The following ACSM2B variants were observed in gnomAD, a reference collection of about 807,000 sequenced individuals.
ACSM2B encodes acyl-coenzyme A synthetase ACSM2B, mitochondrial.
In ACSM2B, 58 loss-of-function variants were observed where a neutral mutation model predicts 78.6. The ratio of observed to expected loss-of-function variants is 0.74; its 90% CI spans 0.60 to 0.92. ACSM2B has a LOEUF of 0.92. Among genes scored for constraint, ACSM2B ranks in the 40% least tolerant of loss-of-function variants. ACSM2B has a pLI of 0.00. For synonymous variants in ACSM2B, 257 were observed against 256.8 expected, an observed-to-expected ratio of 1.00 and a Z score of -0.01; for missense variants, 688 against 711.2, an observed-to-expected ratio of 0.97 and a Z score of 0.37.
chr16:20,567,605 AT>A (rs1392472156), intron 1 of ACSM2B, among the ~76,000 whole-genome samples: 1 of 135,802 alleles, frequency 7.4e-6, no homozygotes, highest in African/African-American at 2.7e-5. Context: ...AAGATATATA[AT>A]ATATAATATA....
intron 1 of ACSM2B, among the ~76,000 whole-genome samples, chr16:20,568,271 T>C (rs1289257424): frequency 6.9e-6 from 1 of 144,806 alleles, no homozygotes; most frequent in African/African-American, 2.5e-5. Context: ...ATAGAACATA[T>C]AGTATATATA....
intron 2 of ACSM2B, among the ~76,000 whole-genome samples, chr16:20,564,107 GC>G (rs1444862626): frequency 4.6e-5 from 7 of 151,952 alleles, no homozygotes; most frequent in African/African-American, 1.7e-4. Context: ...GTGCTGATTT[GC>G]CCCCCACTTT....
chr16:20,575,469 G>A (rs1299371405), intron 1 of ACSM2B: 2 of 151,932 alleles, frequency 1.3e-5, no homozygotes, highest in Non-Finnish European at 1.5e-5. Context: ...GAGGTGCAAG[G>A]AGAGCCAGTT....
Position 20,545,183 on chromosome 16 carries a change from G to T in ACSM2B, c.1255C>A (p.Pro419Thr). The T allele has an allele frequency of 3.7e-6, 6 of 1,613,792 alleles. No homozygotes were observed. Among genetic ancestry groups the T allele is most frequent in the South Asian group, 3.3e-5 (3 of 90,994 alleles). Residue 419 changes from proline to threonine, a missense_variant, in exon 10 of 14, where the codon CCT (proline) becomes ACT (threonine). Coordinates refer to ENST00000329697, the MANE Select transcript of ACSM2B (RefSeq NM_001105069.2). ...ACATAGCCAGAGAAGATGCCTATAG[G>T]CCTGATGGGTTTGACCCTGATGCCA... is the stretch of plus-strand genomic sequence containing the variant. ...DIGIRVKPIR[P>T]IGIFSGYVEN...
intron 1 of ACSM2B, among the ~76,000 whole-genome samples, chr16:20,571,390 T>C (rs1164062687): frequency 1.3e-5 from 2 of 152,000 alleles, no homozygotes; most frequent in Non-Finnish European, 2.9e-5. Context: ...GAAGATTCCT[T>C]TTGGAGTTGA....
At chr16:20,554,022 T>C (rs549990504) in intron 4 of ACSM2B, 102 bp from the exon 5 acceptor site, 28 of 1,351,532 alleles carry the variant, frequency 2.1e-5, no homozygotes, top group South Asian at 9.9e-5. Context: ...AAAGGGCAAG[T>C]TGATGGACCC....
At chr16:20,548,596 T>A (rs1424657430) in intron 6 of ACSM2B, 123 bp from the exon 7 acceptor site, 1 of 1,566,014 alleles carries the variant, frequency 6.4e-7, no homozygotes, top group African/African-American at 1.4e-5. Context: ...CCTAGCTTGT[T>A]TACTATGTCT....
intron 10 of ACSM2B, among the ~76,000 whole-genome samples, chr16:20,543,978 A>T (rs1030143272): frequency 1.3e-5 from 2 of 152,338 alleles, no homozygotes; most frequent in African/African-American, 4.8e-5. Context: ...TACAGAAGGT[A>T]GAACTGAGAC....
intron 2 of ACSM2B, among the ~76,000 whole-genome samples, chr16:20,560,440 T>C (rs1206091227): frequency 7.2e-5 from 11 of 152,042 alleles, no homozygotes; most frequent in Non-Finnish European, 1.2e-4. Flanking sequence ...CACTCTCTGT[T>C]TTGCTCCTCA....
At chr16:20,542,643 A>C in intron 12 of ACSM2B, 1 of 446,964 alleles carries the variant, frequency 2.2e-6, no homozygotes, top group Admixed American at 3.8e-5. Context: ...ATCATATGGT[A>C]GTTCTGTTTA....
intron 13 of ACSM2B, among the ~76,000 whole-genome samples, chr16:20,540,302 G>T (rs1385033730): frequency 2.0e-5 from 3 of 151,048 alleles, no homozygotes; most frequent in African/African-American, 7.3e-5. Flanking sequence ...GAGTGCAGTG[G>T]CATGATCTCG....
intron 1 of ACSM2B, among the ~76,000 whole-genome samples, chr16:20,566,498 A>G (rs1567217972): frequency 1.7e-5 from 2 of 117,442 alleles, no homozygotes; most frequent in African/African-American, 6.6e-5. Context: ...TAATACATAT[A>G]CTATATCTAT....
Position 20,560,975 on chromosome 16 carries a change from G to A in ACSM2B, c.178-1528C>T, listed in dbSNP as rs911072409. Among the ~76,000 whole-genome samples the A allele has an allele frequency of 4.2e-4, 64 of 152,160 alleles. 1 individual carries two copies. Among genetic ancestry groups the A allele is most frequent in the Middle Eastern group, 3.4e-3 (1 of 294 alleles). On this transcript the variant is annotated intron_variant, in intron 2 of 13. Coordinates refer to ENST00000329697, the MANE Select transcript of ACSM2B (RefSeq NM_001105069.2). ...CCTAGTGATCTGTGGAAGTTTTAAC[G>A]TAAGAGTAATGACTTAGGGAATCTG...
At chr16:20,566,865 T>C (rs2152146618) in intron 1 of ACSM2B, among the ~76,000 whole-genome samples, 1 of 124,022 alleles carries the variant, frequency 8.1e-6, no homozygotes, top group African/African-American at 3.0e-5. Flanking sequence ...CTATATACTA[T>C]AGTATATCTC....
rs1334510753 is a variant in ACSM2B, at chr16:20,538,491, A to T, written c.1630-1129T>A. Among the ~76,000 whole-genome samples the T allele has an allele frequency of 3.3e-5, 5 of 152,154 alleles. No homozygotes were observed. In the East Asian group the frequency reaches 9.7e-4, roughly 29 times the overall value. On this transcript the variant is annotated intron_variant, in intron 13 of 13. Coordinates refer to ENST00000329697, the MANE Select transcript of ACSM2B (RefSeq NM_001105069.2). ...TAGATAGAGAGTGGATGAAAGCCAC[A>T]GGAGGTATCCAGATTTAATGCTAAG... is the stretch of plus-strand genomic sequence containing the variant.
rs574402842 is a variant in ACSM2B, at chr16:20,542,286, T to C, written c.1509+628A>G. 1.4e-3 allele frequency: 210 copies of C among 148,018 alleles called. 1 individual carries two copies. Among genetic ancestry groups the C allele is most frequent in the African/African-American group, 4.5e-3 (178 of 39,452 alleles). The allele number at this position is 148,018 out of a possible 1,614,324, so 9.2% of individuals were successfully genotyped here. A position where few individuals can be genotyped will look rare whatever the true frequency, so the allele number is the denominator to read the frequency against. ...CACACCCTTCCCAGCCTCTGGTATC[T>C]ATCACTCTACTCTTTATCTCCATGA... is the stretch of plus-strand genomic sequence containing the variant. On this transcript the variant is annotated intron_variant, in intron 12 of 13. Transcript: ENST00000329697.
chr16:20,553,029 A>G (rs1156544702), intron 5 of ACSM2B, among the ~76,000 whole-genome samples: 1 of 152,200 alleles, frequency 6.6e-6, no homozygotes, highest in African/African-American at 2.4e-5. Context: ...AGTTATATTT[A>G]AGTAATTTAT....
At chr16:20,561,244 T>C (rs2015646413) in intron 2 of ACSM2B, among the ~76,000 whole-genome samples, 1 of 151,848 alleles carries the variant, frequency 6.6e-6, no homozygotes, top group Non-Finnish European at 1.5e-5. Context: ...TGCATTGTTA[T>C]AAAGGAATAT....
chr16:20,550,625 G>A (rs7500629), intron 6 of ACSM2B, among the ~76,000 whole-genome samples: 57,405 of 151,940 alleles, frequency 0.38, 13,690 homozygotes, highest in East Asian at 0.86. Context: ...ACCACACCTG[G>A]CTTTTTGACT....
Sources: gnomAD v4.1 joint callset for allele counts (sites outside exome capture counted in the v4.1 genomes callset) on GRCh38, gnomAD v4.1.1 for gene constraint, MANE v1.5 for transcripts, NCBI Gene and HGNC (gene_info 2026-07-23, HGNC 2026-07-21) for gene names.